Variants in PARPBP observed in about 807,000 individuals in gnomAD.
PARPBP encodes the protein PARP1 binding protein.
PARPBP carries 52 observed loss-of-function variants against 50.0 expected under a neutral mutation model. That is an observed-to-expected ratio of 1.04 (90% CI 0.83 to 1.31). The LOEUF is 1.31. PARPBP is among the 50% of genes most tolerant of loss of function. The pLI is 0.00. For synonymous variants in PARPBP, 244 were observed against 232.1 expected (o/e 1.05, Z -0.47); for missense variants, 697 against 672.0 (o/e 1.04, Z -0.41).
Position 102,197,325 on chromosome 12 carries a change from A to G in PARPBP, c.*1034A>G. 1 of 826,424 alleles carries G rather than the reference A, an allele frequency of 1.2e-6. No homozygotes were observed. The highest frequency in any genetic ancestry group is 1.9e-6 in the Non-Finnish European group (1 of 540,276). 51.2% of individuals were successfully genotyped at this position (826,424 alleles called of 1,614,324 possible). On this transcript the variant is annotated 3_prime_UTR_variant, in exon 11 of 11. Coordinates refer to ENST00000327680, the MANE Select transcript of PARPBP (RefSeq NM_017915.5). ...TAGATGCAAATTTATAGGAGAAAAAACACTTTCAGATAAGAGGTGTTTGCT... is the reference window on the plus strand; with the variant it reads ...TAGATGCAAATTTATAGGAGAAAAAGCACTTTCAGATAAGAGGTGTTTGCT...
At chr12:102,130,551 C>T (rs1448215951) in intron 2 of PARPBP, among the ~76,000 whole-genome samples, 1 of 151,862 alleles carries the variant, frequency 6.6e-6, no homozygotes, top group Non-Finnish European at 1.5e-5. Flanking sequence ...AAGAAAAAAT[C>T]CCATTAAGAA....
chr12:102,139,411 A>C (rs1307899623), intron 2 of PARPBP, among the ~76,000 whole-genome samples: 1 of 152,222 alleles, frequency 6.6e-6, no homozygotes, highest in Non-Finnish European at 1.5e-5. Flanking sequence ...CTAAATATAC[A>C]ATAATGTCAT....
At chr12:102,157,574 T>G (rs1015446693) in intron 4 of PARPBP, among the ~76,000 whole-genome samples, 1 of 152,160 alleles carries the variant, frequency 6.6e-6, no homozygotes, top group Admixed American at 6.5e-5. Context: ...GGTTTAATAT[T>G]TCCTAAGAAA....
chr12:102,158,695 G>A (rs1400685183), intron 4 of PARPBP, among the ~76,000 whole-genome samples: 6 of 143,626 alleles, frequency 4.2e-5, no homozygotes, highest in Non-Finnish European at 7.7e-5. Context: ...TCTCGGTGGC[G>A]CTTAAGCAGT....
intron 9 of PARPBP, among the ~76,000 whole-genome samples, chr12:102,189,984 C>T (rs1465424035): frequency 6.6e-6 from 1 of 152,116 alleles, no homozygotes; most frequent in Non-Finnish European, 1.5e-5. Context: ...TTTCTTTACC[C>T]TATTGAACAG....
intron 2 of PARPBP, among the ~76,000 whole-genome samples, chr12:102,132,507 G>A (rs938750663): frequency 1.3e-5 from 2 of 151,976 alleles, no homozygotes; most frequent in Non-Finnish European, 2.9e-5. Context: ...TGTTCCACTG[G>A]TCTATCCGTA....
intron 9 of PARPBP, among the ~76,000 whole-genome samples, chr12:102,190,263 T>C (rs1196691376): frequency 6.6e-6 from 1 of 152,132 alleles, no homozygotes; most frequent in African/African-American, 2.4e-5. Flanking sequence ...ATACTTGTTA[T>C]AGTCTGTTGT....
chr12:102,149,026 T>C (rs977712809), intron 3 of PARPBP: 1 of 152,122 alleles, frequency 6.6e-6, no homozygotes, highest in African/African-American at 2.4e-5. Context: ...TTGTCTACGT[T>C]AGAATTTATA....
intron 1 of PARPBP, among the ~76,000 whole-genome samples, chr12:102,121,392 A>G (rs1343693837): frequency 6.6e-6 from 1 of 152,076 alleles, no homozygotes; most frequent in Non-Finnish European, 1.5e-5. Flanking sequence ...AGCTATACTC[A>G]TTTGTTTGTT....
intron 3 of PARPBP, chr12:102,151,832 A>G: frequency 6.8e-7 from 1 of 1,481,294 alleles, no homozygotes; most frequent in South Asian, 1.2e-5. Context: ...CCGCTTCAGA[A>G]CATTGAAGAA....
At chr12:102,172,219 T>A (rs1888827956) in intron 6 of PARPBP, among the ~76,000 whole-genome samples, 1 of 152,198 alleles carries the variant, frequency 6.6e-6, no homozygotes, top group Non-Finnish European at 1.5e-5. Flanking sequence ...CTCTTTCTCA[T>A]CTAAATTCTC....
In PARPBP at chr12:102,175,749, A is replaced by G. The variant is rs1889208844; in HGVS notation, c.1005+83A>G. ...ATTGTAGAAATGGTTTATTATTGCTACTTAAGTCAGAAGAGTGTGTTTCCT... is the reference window on the plus strand; with the variant it reads ...ATTGTAGAAATGGTTTATTATTGCTGCTTAAGTCAGAAGAGTGTGTTTCCT... On this transcript the variant is annotated intron_variant, in intron 7 of 10. Transcript: ENST00000327680. 3 of 849,640 alleles carry G rather than the reference A, an allele frequency of 3.5e-6. No individual in the cohort carries two copies. The Admixed American group carries it at 9.1e-5, about 26-fold the overall frequency. The allele number at this position is 849,640 out of a possible 1,614,324, so 52.6% of individuals were successfully genotyped here. A position where few individuals can be genotyped will look rare whatever the true frequency, so the allele number is the denominator to read the frequency against.
chr12:102,189,519 C>T (rs754685860), intron 9 of PARPBP, among the ~76,000 whole-genome samples: 2 of 152,094 alleles, frequency 1.3e-5, no homozygotes, highest in East Asian at 3.9e-4. Flanking sequence ...ATGGCTAGCA[C>T]ATTAAACAAT....
chr12:102,150,512 G>T (rs78864619), intron 3 of PARPBP: 11,428 of 321,488 alleles, frequency 0.036, 720 homozygotes, highest in East Asian at 0.29. Flanking sequence ...CTAAGTCAGG[G>T]CAATTTTGGG....
chr12:102,182,675 T>C, intron 9 of PARPBP, 48 bp downstream of exon 9: 1 of 1,234,404 alleles, frequency 8.1e-7, no homozygotes, highest in Admixed American at 1.8e-5. Flanking sequence ...GTTTTATTTT[T>C]AGAAGAAATA....
intron 4 of PARPBP, 141 bp from the exon 5 acceptor site, chr12:102,164,297 T>C: frequency 4.6e-6 from 3 of 646,862 alleles, no homozygotes; most frequent in Non-Finnish European, 7.8e-6. Context: ...CAACCTGTTT[T>C]TATATGGCAG....
chr12:102,165,990 G>T (rs756133372), intron 6 of PARPBP, 107 bp downstream of exon 6: 30 of 701,156 alleles, frequency 4.3e-5, no homozygotes, highest in Admixed American at 1.8e-4. Context: ...CAGACCAAAC[G>T]GTGAGGCGAA....
chr12:102,191,548 G>A lies in PARPBP; in HGVS notation c.1264-3764G>A, dbSNP rs1509670. 4.8e-4 allele frequency among the ~76,000 whole-genome samples: 73 copies of A among 152,066 alleles called. 1 individual carries two copies. In the East Asian group the frequency reaches 0.012, roughly 25 times the overall value. Reference sequence around the variant, plus strand: ...ATGGGGGTTTAGAACTTTCATTTTCGTGTTAATACAGCTAACTCTGAGTGT... The same window carrying A: ...ATGGGGGTTTAGAACTTTCATTTTCATGTTAATACAGCTAACTCTGAGTGT... On this transcript the variant is annotated intron_variant, in intron 9 of 10. Coordinates refer to ENST00000327680, the MANE Select transcript of PARPBP (RefSeq NM_017915.5).
At chr12:102,173,330 T>A (rs1462335111) in intron 6 of PARPBP, among the ~76,000 whole-genome samples, 1 of 152,172 alleles carries the variant, frequency 6.6e-6, no homozygotes, top group Non-Finnish European at 1.5e-5. Context: ...TGCTTAAGAA[T>A]AAGACAAGAG....
Sources: gnomAD v4.1 joint callset for allele counts (sites outside exome capture counted in the v4.1 genomes callset) on GRCh38, gnomAD v4.1.1 for gene constraint, MANE v1.5 for transcripts, NCBI Gene and HGNC (gene_info 2026-07-23, HGNC 2026-07-21) for gene names.